UGT1A7: variants seen among roughly 807,000 people sequenced by gnomAD.
The protein encoded by UGT1A7 is UDP glucuronosyltransferase family 1 member A7.
UGT1A7 carries 33 observed loss-of-function variants against 45.6 expected under a neutral mutation model. That is an observed-to-expected ratio of 0.72 (90% CI 0.55 to 0.97). UGT1A7 has a LOEUF of 0.97. Ranked by LOEUF, UGT1A7 falls within the 50% of genes least tolerant of loss-of-function variation. The pLI, the probability that UGT1A7 is intolerant of heterozygous loss-of-function variation, is 0.00. For synonymous variants in UGT1A7, 274 were observed against 250.6 expected, an observed-to-expected ratio of 1.09 and a Z score of -0.88; for missense variants, 684 against 666.2, an observed-to-expected ratio of 1.03 and a Z score of -0.29.
In UGT1A7 at chr2:233,772,448, C is replaced by T. The variant is rs199539868; in HGVS notation, c.1482C>T (p.Ala494=). The change falls in exon 5 of 5, where the codon GCC becomes GCT. Residue 494 remains alanine (A), a synonymous_variant. Transcript: ENST00000373426. ...HSLDVIGFLL[A]VVLTVAFITF... The stretch of plus-strand genomic sequence containing the variant: ...TGGACGTGATTGGTTTCCTCTTGGC[C>T]GTCGTGCTGACAGTGGCCTTCATCA... 42 of 1,614,180 alleles carry T rather than the reference C, an allele frequency of 2.6e-5. No homozygotes were observed. In the East Asian group the frequency reaches 7.4e-4, roughly 28 times the overall value.
chr2:233,711,202 C>T (rs1283848719), intron 1 of UGT1A7, among the ~76,000 whole-genome samples: 1 of 152,242 alleles, frequency 6.6e-6, no homozygotes, highest in Non-Finnish European at 1.5e-5. Context: ...CACAGTCCTG[C>T]TCTCCCCAGT....
intron 1 of UGT1A7, among the ~76,000 whole-genome samples, chr2:233,683,102 A>G (rs1326746193): frequency 1.3e-5 from 2 of 152,156 alleles, no homozygotes; most frequent in Non-Finnish European, 2.9e-5. Flanking sequence ...CTAATTCTAC[A>G]CTACCCCCAG....
At chr2:233,740,411 T>A (rs1191187066) in intron 1 of UGT1A7, among the ~76,000 whole-genome samples, 1 of 151,958 alleles carries the variant, frequency 6.6e-6, no homozygotes. Context: ...TGGGGAAGTC[T>A]CTCTACCTGT....
At position 233,767,903 on chromosome 2, in the gene UGT1A7, C is replaced by G. The variant is rs549391527; in HGVS notation, c.1042C>G (p.Leu348Val). 1.2e-6 allele frequency: 2 copies of G among 1,614,060 alleles called. No homozygotes were observed. Among genetic ancestry groups the G allele is most frequent in the African/African-American group, 1.3e-5 (1 of 74,904 alleles). ...RPSNLANNTILVKWLPQNDLL... is the reference protein window; with the variant it reads ...RPSNLANNTIVVKWLPQNDLL... ...ATCGAATCTTGCGAACAACACGATA[C>G]TTGTTAAGTGGCTACCCCAAAACGA... The change falls in exon 3 of 5, where the codon CTT becomes GTT. Residue 348 changes from leucine to valine, a missense_variant. By Grantham distance (32) the Leu-to-Val change is conservative. Coordinates refer to ENST00000373426, the MANE Select transcript of UGT1A7 (RefSeq NM_019077.3).
intron 1 of UGT1A7, among the ~76,000 whole-genome samples, chr2:233,731,284 CT>C (rs78127606): frequency 0.15 from 20,469 of 139,534 alleles, 1,444 homozygotes; most frequent in East Asian, 0.21. Context: ...GTTTTTCTTT[CT>C]TTTTTTTTTT....
chr2:233,767,071 G>T lies in UGT1A7; in HGVS notation c.893G>T (p.Gly298Val). 6.2e-7 allele frequency: 1 copy of T among 1,614,098 alleles called. No homozygotes were observed. ...TACATTAATGCTTCTGGAGAACATG[G>T]AATTGTGGTTTTCTCTTTGGGATCA... ...EAYINASGEH[G>V]IVVFSLGSMV... The change falls in exon 2 of 5, where the codon GGA becomes GTA. Residue 298 changes from glycine (G) to valine (V), a missense_variant. Gly to Val is a moderately radical substitution (Grantham distance 109). Coordinates refer to ENST00000373426, the MANE Select transcript of UGT1A7 (RefSeq NM_019077.3).
chr2:233,714,464 G>T (rs1484819290), intron 1 of UGT1A7, among the ~76,000 whole-genome samples: 2 of 152,160 alleles, frequency 1.3e-5, no homozygotes, highest in African/African-American at 2.4e-5. Context: ...GTGTTGGATT[G>T]TAATAGGAGA....
In UGT1A7 at chr2:233,769,425, C is replaced by T; in HGVS notation, c.1295+986C>T. ...TGTGCGTGTGCGTTTGTGCATGTGGCTGTGCTCATGTGTGGGTGCACACGT... is the reference window on the plus strand; with the variant it reads ...TGTGCGTGTGCGTTTGTGCATGTGGTTGTGCTCATGTGTGGGTGCACACGT... On this transcript the variant is annotated intron_variant, in intron 4 of 4. Transcript: ENST00000373426. The surrounding 1 kb of genome is among the most constrained non-coding windows in gnomAD (Gnocchi z 4.4). The T allele has an allele frequency of 6.7e-7, 1 of 1,487,732 alleles. No homozygotes were observed. Among genetic ancestry groups the T allele is most frequent in the Non-Finnish European group, 9.3e-7 (1 of 1,075,832 alleles). 92.2% of individuals were successfully genotyped at this position (1,487,732 alleles called of 1,614,324 possible). A position where few individuals can be genotyped will look rare whatever the true frequency, so the allele number is the denominator to read the frequency against.
chr2:233,760,979 C>A, intron 1 of UGT1A7: 1 of 1,614,224 alleles, frequency 6.2e-7, no homozygotes, highest in Non-Finnish European at 8.5e-7. Context: ...TCCCCGTATG[C>A]AACCCTTGCC....
intron 1 of UGT1A7, among the ~76,000 whole-genome samples, chr2:233,756,648 T>A (rs1349644658): frequency 6.6e-6 from 1 of 152,160 alleles, no homozygotes; most frequent in East Asian, 1.9e-4. Flanking sequence ...GGGATAAACA[T>A]GGGATGCAGT....
chr2:233,720,877 T>C (rs1220969089), intron 1 of UGT1A7, among the ~76,000 whole-genome samples: 1 of 150,532 alleles, frequency 6.6e-6, no homozygotes, highest in Non-Finnish European at 1.5e-5. Context: ...GGCAATTTTT[T>C]TTTTTTTTTT....
At chr2:233,694,697 CTCT>C (rs373020976) in intron 1 of UGT1A7, among the ~76,000 whole-genome samples, 1 of 152,196 alleles carries the variant, frequency 6.6e-6, no homozygotes, top group African/African-American at 2.4e-5. Flanking sequence ...ACCCTTACCT[CTCT>C]TCTTTACACC....
intron 1 of UGT1A7, among the ~76,000 whole-genome samples, chr2:233,710,315 T>G (rs1041842675): frequency 6.6e-6 from 1 of 152,244 alleles, no homozygotes; most frequent in African/African-American, 2.4e-5. Context: ...GGTAGGTGTA[T>G]GTATGACTTC....
At chr2:233,703,860 T>A (rs1410590992) in intron 1 of UGT1A7, among the ~76,000 whole-genome samples, 1 of 152,144 alleles carries the variant, frequency 6.6e-6, no homozygotes, top group African/African-American at 2.4e-5. Context: ...CTATTATTGA[T>A]GTAGATGGAA....
At chr2:233,688,902 G>C (rs1305603391) in intron 1 of UGT1A7, among the ~76,000 whole-genome samples, 2 of 152,140 alleles carry the variant, frequency 1.3e-5, no homozygotes, top group African/African-American at 2.4e-5. Flanking sequence ...AGAAGTTGGG[G>C]GGATGGTGTG....
chr2:233,767,812 T>G, intron 2 of UGT1A7, 37 bp from the exon 3 acceptor site: 9 of 1,614,150 alleles, frequency 5.6e-6, no homozygotes, highest in Non-Finnish European at 7.6e-6. Flanking sequence ...TCATATTATG[T>G]TCTTTCTTTA....
intron 1 of UGT1A7, among the ~76,000 whole-genome samples, chr2:233,764,478 C>G (rs370150887): frequency 6.6e-6 from 1 of 152,082 alleles, no homozygotes; most frequent in Non-Finnish European, 1.5e-5. Context: ...TATTTAACTT[C>G]GAATGTTTAT....
Position 233,772,846 on chromosome 2 carries a change from T to G in UGT1A7, c.*287T>G. On this transcript the variant is annotated 3_prime_UTR_variant, in exon 5 of 5. Transcript: ENST00000373426. Reference sequence around the variant, plus strand: ...AGGCTGGCATTCTAGATTACTTTTCTTACTCTGAAACATGGCCTGTTTGGG... The same window carrying G: ...AGGCTGGCATTCTAGATTACTTTTCGTACTCTGAAACATGGCCTGTTTGGG... 1 of 808,400 alleles carries G rather than the reference T, an allele frequency of 1.2e-6. No homozygotes were observed. Among genetic ancestry groups the G allele is most frequent in the Non-Finnish European group, 1.8e-6 (1 of 570,574 alleles). The allele number at this position is 808,400 out of a possible 1,614,324, so 50.1% of individuals were successfully genotyped here.
At chr2:233,704,837 C>G (rs928944856) in intron 1 of UGT1A7, among the ~76,000 whole-genome samples, 1 of 151,970 alleles carries the variant, frequency 6.6e-6, no homozygotes, top group Non-Finnish European at 1.5e-5. Flanking sequence ...CTTTTAAAAT[C>G]AGTTAAGAGA....
Sources: gnomAD v4.1 joint callset for allele counts (sites outside exome capture counted in the v4.1 genomes callset) on GRCh38, gnomAD v4.1.1 for gene constraint, Gnocchi (gnomAD v3.1) non-coding constraint, MANE v1.5 for transcripts, NCBI Gene and HGNC (gene_info 2026-07-23, HGNC 2026-07-21) for gene names.